The following RBFOX3 variants were observed in gnomAD, a reference collection of about 807,000 sequenced individuals.
RBFOX3 encodes RNA binding protein fox-1 homolog 3.
A neutral mutation model predicts 48.7 loss-of-function variants in RBFOX3; 17 were observed. The ratio of observed to expected loss-of-function variants is 0.35; its 90% CI spans 0.24 to 0.52. The LOEUF is 0.52. RBFOX3 is among the 20% of genes least tolerant of loss of function. The pLI, the probability that RBFOX3 is intolerant of heterozygous loss-of-function variation, is 0.94. For missense variants in RBFOX3, 382 were observed against 497.5 expected, an observed-to-expected ratio of 0.77 and a Z score of 2.21; for synonymous variants, 212 against 209.5, an observed-to-expected ratio of 1.01 and a Z score of -0.10.
chr17:79,552,748 TTTC>T (rs2091274740), intron 1 of RBFOX3, among the ~76,000 whole-genome samples: 1 of 152,258 alleles, frequency 6.6e-6, no homozygotes, highest in African/African-American at 2.4e-5. Flanking sequence ...ATTTTGCACA[TTTC>T]TTGTTAAGTT....
intron 1 of RBFOX3, among the ~76,000 whole-genome samples, chr17:79,526,998 T>G (rs948938464): frequency 2.0e-5 from 3 of 152,184 alleles, no homozygotes; most frequent in Admixed American, 1.3e-4. Flanking sequence ...GTCAGCCCCA[T>G]GACCAGTGGC....
chr17:79,305,853 A>G (rs1052948987), intron 3 of RBFOX3, among the ~76,000 whole-genome samples: 2 of 152,226 alleles, frequency 1.3e-5, no homozygotes, highest in African/African-American at 4.8e-5. Flanking sequence ...AGGAGAGCAG[A>G]ACAACCAGCA....
At chr17:79,225,954 G>C (rs552280739) in intron 4 of RBFOX3, among the ~76,000 whole-genome samples, 1 of 152,234 alleles carries the variant, frequency 6.6e-6, no homozygotes, top group African/African-American at 2.4e-5. Flanking sequence ...GGGGGTGTGG[G>C]AGGGCAGAGG....
intron 3 of RBFOX3, among the ~76,000 whole-genome samples, chr17:79,248,240 GT>G (rs1156264022): frequency 2.0e-5 from 3 of 148,628 alleles, no homozygotes; most frequent in Non-Finnish European, 4.5e-5. Flanking sequence ...GTGTGTGTGT[GT>G]TTTTTTTTTG....
At chr17:79,660,858 T>C in the RBFOX3 span, among the ~76,000 whole-genome samples, 1 of 152,186 alleles carries the variant, frequency 6.6e-6, no homozygotes. Flanking sequence ...TATTCACAAT[T>C]GCAAAGACAT....
chr17:79,581,994 G>T (rs1013668840), intron 1 of RBFOX3, among the ~76,000 whole-genome samples: 3 of 151,568 alleles, frequency 2.0e-5, no homozygotes, highest in African/African-American at 7.3e-5. Flanking sequence ...ATGCAAGCAC[G>T]TGCCTGCCCG....
chr17:79,404,013 C>T (rs564487645), intron 2 of RBFOX3, among the ~76,000 whole-genome samples: 75 of 152,240 alleles, frequency 4.9e-4, no homozygotes, highest in Admixed American at 3.6e-3. Context: ...CTCCTGACCT[C>T]GTGATGCACC....
At chr17:79,211,105 G>A (rs1386274009) in intron 4 of RBFOX3, among the ~76,000 whole-genome samples, 4 of 152,100 alleles carry the variant, frequency 2.6e-5, no homozygotes, top group African/African-American at 7.2e-5. Flanking sequence ...TGAGGGTGCC[G>A]AGTTTTGGAG....
chr17:79,192,677 T>TCAGCACCAGGGA (rs2054757868), intron 4 of RBFOX3, among the ~76,000 whole-genome samples: 1 of 152,100 alleles, frequency 6.6e-6, no homozygotes, highest in East Asian at 1.9e-4. Flanking sequence ...AGTGAGACCG[T>TCAGCACCAGGGA]CAGCACCAGG....
intron 3 of RBFOX3, among the ~76,000 whole-genome samples, chr17:79,303,835 A>G (rs2075689733): frequency 7.1e-6 from 1 of 141,200 alleles, no homozygotes; most frequent in Non-Finnish European, 1.5e-5. Context: ...GTTTGTATGC[A>G]TGTGTGCATG....
intron 2 of RBFOX3, among the ~76,000 whole-genome samples, chr17:79,460,025 C>T (rs2075165513): frequency 6.6e-6 from 1 of 152,114 alleles, no homozygotes; most frequent in Non-Finnish European, 1.5e-5. Context: ...GCAGGTTTCA[C>T]TCCATTTCTA....
In RBFOX3 at chr17:79,393,066, C is replaced by T. The variant is rs140646674; in HGVS notation, c.-174-85242G>A. 2.3e-4 allele frequency among the ~76,000 whole-genome samples: 35 copies of T among 152,308 alleles called. No individual in the cohort carries two copies. The East Asian group carries it at 6.4e-3, about 28-fold the overall frequency. On this transcript the variant is annotated intron_variant, in intron 2 of 14. Coordinates refer to ENST00000693108, the MANE Select transcript of RBFOX3 (RefSeq NM_001350451.2). ...ACCACTACACAGTCTGCACATGTAA[C>T]AAAATTGCACCTGTGCCCCCAAAAT...
chr17:79,182,090 C>T (rs185788657), intron 4 of RBFOX3, among the ~76,000 whole-genome samples: 3 of 152,264 alleles, frequency 2.0e-5, no homozygotes, highest in Admixed American at 1.3e-4. Context: ...CTTGGCCTGG[C>T]CTGGCCAAGT....
intron 1 of RBFOX3, among the ~76,000 whole-genome samples, chr17:79,581,967 C>T (rs1342796928): frequency 2.6e-5 from 4 of 151,868 alleles, no homozygotes; most frequent in East Asian, 1.9e-4. Flanking sequence ...CATGTATGTG[C>T]CTGTGCGTGG....
At position 79,473,302 on chromosome 17, in the gene RBFOX3, G is replaced by C. The variant is rs887144802; in HGVS notation, c.-175+9152C>G. 1.3e-5 allele frequency among the ~76,000 whole-genome samples: 2 copies of C among 152,328 alleles called. No individual in the cohort carries two copies. Among genetic ancestry groups the C allele is most frequent in the Admixed American group, 1.3e-4 (2 of 15,304 alleles). ...GACGTGTCCTCAGCCTGTTGCTAGG[G>C]AGCTGCTGTGGGTTTGAATTCTGTA... On this transcript the variant is annotated intron_variant, in intron 2 of 14. Coordinates refer to ENST00000693108, the MANE Select transcript of RBFOX3 (RefSeq NM_001350451.2). This position sits in a 1 kb window ranked among gnomAD's most constrained non-coding sequence, Gnocchi z 4.2.
At chr17:79,246,834 T>C (rs1295752229) in intron 3 of RBFOX3, among the ~76,000 whole-genome samples, 1 of 151,968 alleles carries the variant, frequency 6.6e-6, no homozygotes, top group East Asian at 1.9e-4. Context: ...GTCCTGCCCA[T>C]GTGTGGCTGT....
intron 2 of RBFOX3, among the ~76,000 whole-genome samples, chr17:79,427,243 AG>A (rs1209871475): frequency 6.6e-6 from 1 of 152,186 alleles, no homozygotes; most frequent in Non-Finnish European, 1.5e-5. Flanking sequence ...CAGTGCGGCC[AG>A]GGAGGCTCCA....
intron 4 of RBFOX3, among the ~76,000 whole-genome samples, chr17:79,213,003 C>T (rs1323672702): frequency 7.9e-5 from 12 of 151,366 alleles, no homozygotes; most frequent in South Asian, 2.1e-4. Flanking sequence ...TACAGGCATG[C>T]GCCTGTAATG....
intron 2 of RBFOX3, among the ~76,000 whole-genome samples, chr17:79,332,994 G>A (rs2080626022): frequency 6.7e-6 from 1 of 148,864 alleles, no homozygotes; most frequent in African/African-American, 2.5e-5. Context: ...GACAGAGAGA[G>A]AGAAACAGAG....
Sources: gnomAD v4.1 joint callset for allele counts (sites outside exome capture counted in the v4.1 genomes callset) on GRCh38, gnomAD v4.1.1 for gene constraint, Gnocchi (gnomAD v3.1) non-coding constraint, MANE v1.5 for transcripts, NCBI Gene and HGNC (gene_info 2026-07-23, HGNC 2026-07-21) for gene names.